Variants in MEGF9 observed in about 807,000 individuals in gnomAD.
MEGF9 encodes the protein multiple epidermal growth factor-like domains protein 9.
A neutral mutation model predicts 46.8 loss-of-function variants in MEGF9; 6 were observed. The ratio of observed to expected loss-of-function variants is 0.13; its 90% CI spans 0.07 to 0.25. MEGF9 has a LOEUF of 0.25. Among genes scored for constraint, MEGF9 ranks in the 10% least tolerant of loss-of-function variants. The pLI, the probability that MEGF9 is intolerant of heterozygous loss-of-function variation, is 1.00. For missense variants in MEGF9, 683 were observed against 792.4 expected (o/e 0.86, Z 1.66); for synonymous variants, 302 against 330.7 (o/e 0.91, Z 0.94).
intron 2 of MEGF9, among the ~76,000 whole-genome samples, chr9:120,638,000 T>G (rs1289597724): frequency 6.6e-6 from 1 of 151,948 alleles, no homozygotes; most frequent in Non-Finnish European, 1.5e-5. Context: ...TTTTTTAACC[T>G]TTTTCTTTTT....
At chr9:120,663,204 C>T (rs1041743353) in intron 1 of MEGF9, among the ~76,000 whole-genome samples, 4 of 152,124 alleles carry the variant, frequency 2.6e-5, no homozygotes, top group Non-Finnish European at 5.9e-5. Context: ...CAAAGTAAAC[C>T]AAGTGCCAGG....
chr9:120,625,939 T>C lies in MEGF9; in HGVS notation c.804-3184A>G, dbSNP rs2043523601. On this transcript the variant is annotated intron_variant, in intron 2 of 5. Transcript: ENST00000373930. Reference sequence around the variant, plus strand: ...GAATAAAGACTTTACAACACTCCCTTTCATGGTCTCTCTCTGTTAAAGACT... The same window carrying C: ...GAATAAAGACTTTACAACACTCCCTCTCATGGTCTCTCTCTGTTAAAGACT... 2.0e-5 allele frequency among the ~76,000 whole-genome samples: 3 copies of C among 152,006 alleles called. No homozygotes were observed. In the South Asian group the frequency reaches 6.2e-4, roughly 31 times the overall value.
chr9:120,679,977 TC>T (rs1432132268), intron 1 of MEGF9, among the ~76,000 whole-genome samples: 3 of 152,132 alleles, frequency 2.0e-5, no homozygotes, highest in African/African-American at 4.8e-5. Context: ...GATGCATTCT[TC>T]AGCATGTCAA....
intron 2 of MEGF9, among the ~76,000 whole-genome samples, chr9:120,635,768 T>C (rs2043571509): frequency 1.3e-5 from 2 of 152,012 alleles, no homozygotes; most frequent in South Asian, 4.1e-4. Context: ...TATCATTCAA[T>C]TTCTTAAAAA....
chr9:120,671,650 C>T (rs2043750112), intron 1 of MEGF9, among the ~76,000 whole-genome samples: 2 of 152,174 alleles, frequency 1.3e-5, no homozygotes, highest in South Asian at 4.1e-4. Context: ...TCTCCAGGCC[C>T]AGATGGCGTC....
At chr9:120,670,938 A>C (rs1436671468) in intron 1 of MEGF9, among the ~76,000 whole-genome samples, 7 of 152,192 alleles carry the variant, frequency 4.6e-5, no homozygotes, top group Non-Finnish European at 1.0e-4. Flanking sequence ...TTCTAAATAA[A>C]ATTTCTCAAA....
At chr9:120,698,915 A>G (rs1044831425) in intron 1 of MEGF9, among the ~76,000 whole-genome samples, 2 of 152,194 alleles carry the variant, frequency 1.3e-5, no homozygotes, top group Non-Finnish European at 2.9e-5. Context: ...CGTACAAGCC[A>G]GGCAGATGGG....
chr9:120,628,333 T>C (rs1412096895), intron 2 of MEGF9, among the ~76,000 whole-genome samples: 1 of 152,058 alleles, frequency 6.6e-6, no homozygotes, highest in Non-Finnish European at 1.5e-5. Context: ...AAGCGAGGCT[T>C]CTGGAGGAAA....
At chr9:120,668,275 T>C (rs2043734093) in intron 1 of MEGF9, among the ~76,000 whole-genome samples, 1 of 152,234 alleles carries the variant, frequency 6.6e-6, no homozygotes, top group African/African-American at 2.4e-5. Flanking sequence ...ATTTATGTTA[T>C]GCCAAGGTAT....
chr9:120,670,816 C>G (rs1440679811), intron 1 of MEGF9, among the ~76,000 whole-genome samples: 1 of 152,166 alleles, frequency 6.6e-6, no homozygotes, highest in African/African-American at 2.4e-5. Flanking sequence ...CCATTGTCCC[C>G]CTACTTGAGC....
intron 2 of MEGF9, among the ~76,000 whole-genome samples, chr9:120,629,039 G>A (rs930969613): frequency 2.6e-5 from 4 of 151,998 alleles, no homozygotes; most frequent in Non-Finnish European, 5.9e-5. Flanking sequence ...GCAGTGGTGC[G>A]ATCACAGCTC....
chr9:120,602,802 T>C lies in MEGF9; in HGVS notation c.*2388A>G, dbSNP rs2132294640. ...GGTGTATCTGGGAGAAAGACAGGTATGCCATTTTGCACAATTTCTTAGAAT... is the reference window on the plus strand; with the variant it reads ...GGTGTATCTGGGAGAAAGACAGGTACGCCATTTTGCACAATTTCTTAGAAT... On this transcript the variant is annotated 3_prime_UTR_variant, in exon 6 of 6. Coordinates refer to ENST00000373930, the MANE Select transcript of MEGF9 (RefSeq NM_001080497.3). 6.6e-6 allele frequency: 1 copy of C among 152,280 alleles called. No homozygotes were observed. The highest frequency in any genetic ancestry group is 3.4e-3 in the Middle Eastern group (1 of 294). 9.4% of individuals were successfully genotyped at this position (152,280 alleles called of 1,614,324 possible).
rs1001525109 is a variant in MEGF9, at chr9:120,603,748, T to A, written c.*1442A>T. 6.6e-6 allele frequency: 1 copy of A among 152,428 alleles called. No individual in the cohort carries two copies. The allele number at this position is 152,428 out of a possible 1,614,324, so 9.4% of individuals were successfully genotyped here. ...AAAAACTCCATCAAAAAGCAAGAAC[T>A]AACTAGACACACCCATCTACAAAGC... On this transcript the variant is annotated 3_prime_UTR_variant, in exon 6 of 6. Transcript: ENST00000373930.
chr9:120,688,304 T>C (rs2043833374), intron 1 of MEGF9, among the ~76,000 whole-genome samples: 1 of 152,006 alleles, frequency 6.6e-6, no homozygotes, highest in African/African-American at 2.4e-5. Flanking sequence ...TAGCCAAGAT[T>C]ATGGACCCAA....
intron 3 of MEGF9, among the ~76,000 whole-genome samples, chr9:120,616,377 T>C (rs1206732973): frequency 2.0e-5 from 3 of 151,920 alleles, no homozygotes; most frequent in Admixed American, 6.6e-5. Flanking sequence ...AGAGGCAACA[T>C]AGCATTAAAA....
At chr9:120,675,905 A>C (rs1312447568) in intron 1 of MEGF9, among the ~76,000 whole-genome samples, 8 of 151,494 alleles carry the variant, frequency 5.3e-5, no homozygotes, top group Middle Eastern at 3.4e-3. Context: ...AAAAAAAAAA[A>C]AAAAACAACC....
chr9:120,695,338 G>A (rs1343992405), intron 1 of MEGF9, among the ~76,000 whole-genome samples: 1 of 152,006 alleles, frequency 6.6e-6, no homozygotes, highest in Non-Finnish European at 1.5e-5. Flanking sequence ...AGGCGCGGTA[G>A]CTCACGCCTG....
Position 120,713,989 on chromosome 9 carries a change from G to A in MEGF9, c.370C>T (p.Pro124Ser). The part of the protein sequence containing the change: ...TTFQAPLGPS[P>S]TTPPAAERTS... ...CGTTCCGCCGCCGGAGGGGTGGTCGGCGAGGGGCCGAGCGGCGCCTGAAAG... is the reference window on the plus strand; with the variant it reads ...CGTTCCGCCGCCGGAGGGGTGGTCGACGAGGGGCCGAGCGGCGCCTGAAAG... Residue 124 changes from proline to serine, a missense_variant, in exon 1 of 6, where the codon CCG becomes TCG. Around this residue, in one of 2 missense-constraint regions of MEGF9, gnomAD observed 370 missense variants for 371.3 expected, o/e 1.00. Coordinates refer to ENST00000373930, the MANE Select transcript of MEGF9 (RefSeq NM_001080497.3). The A allele has an allele frequency of 7.2e-7, 1 of 1,388,454 alleles. No individual in the cohort carries two copies. The highest frequency in any genetic ancestry group is 9.4e-7 in the Non-Finnish European group (1 of 1,066,158). 86.0% of individuals were successfully genotyped at this position (1,388,454 alleles called of 1,614,324 possible). A position where few individuals can be genotyped will look rare whatever the true frequency, so the allele number is the denominator to read the frequency against.
intron 1 of MEGF9, 32 bp downstream of exon 1, chr9:120,713,726 G>C: frequency 1.6e-6 from 2 of 1,278,126 alleles, no homozygotes; most frequent in African/African-American, 1.5e-5. Flanking sequence ...AGGTGAGGAC[G>C]GGTCCTGCCC....
Sources: gnomAD v4.1 joint callset for allele counts (sites outside exome capture counted in the v4.1 genomes callset) on GRCh38, gnomAD v4.1.1 for gene constraint, gnomAD v4.1.1 regional missense constraint, MANE v1.5 for transcripts, NCBI Gene and HGNC (gene_info 2026-07-23, HGNC 2026-07-21) for gene names.